Variants in SYNPR observed in about 807,000 individuals in gnomAD.
The protein encoded by SYNPR is synaptoporin.
A neutral mutation model predicts 32.9 loss-of-function variants in SYNPR; 23 were observed. The observed-to-expected ratio is 0.70, with a 90% CI of 0.50 to 0.99. The LOEUF is 0.99. Among genes scored for constraint, SYNPR ranks in the 50% least tolerant of loss-of-function variants. The pLI, the probability that SYNPR is intolerant of heterozygous loss-of-function variation, is 0.00. For missense variants in SYNPR, 318 were observed against 349.3 expected (o/e 0.91, Z 0.71); for synonymous variants, 146 against 135.9 (o/e 1.07, Z -0.52).
intron 1 of SYNPR, among the ~76,000 whole-genome samples, chr3:63,237,969 C>T (rs1033743208): frequency 6.6e-6 from 1 of 152,062 alleles, no homozygotes; most frequent in Non-Finnish European, 1.5e-5. Context: ...TTGCTCCTCC[C>T]CACCTATGCC....
At chr3:63,266,494 G>A (rs1575580661) in intron 2 of SYNPR, among the ~76,000 whole-genome samples, 1 of 152,054 alleles carries the variant, frequency 6.6e-6, no homozygotes, top group East Asian at 1.9e-4. Context: ...CCTGAGGTCA[G>A]GAGTTCGAGA....
rs1229061958 is a variant in SYNPR, at chr3:63,254,169, G to A, written n.154+1583G>A. Among the ~76,000 whole-genome samples the A allele has an allele frequency of 2.0e-5, 3 of 152,232 alleles. No homozygotes were observed. In the East Asian group the frequency reaches 5.8e-4, roughly 29 times the overall value. ...AACATCACACACCGGGGCGTGTTGTGGGGTGGGGGGAGAGGGAAGGGATAG... is the reference window on the plus strand; with the variant it reads ...AACATCACACACCGGGGCGTGTTGTAGGGTGGGGGGAGAGGGAAGGGATAG... On this transcript the variant is annotated intron_variant and non_coding_transcript_variant, in intron 2 of 4. Coordinates refer to the SYNPR transcript ENST00000478456.
intron 1 of SYNPR, among the ~76,000 whole-genome samples, chr3:63,247,438 G>T (rs140601067): frequency 6.6e-6 from 1 of 151,966 alleles, no homozygotes; most frequent in African/African-American, 2.4e-5. Context: ...CTTACTTCTG[G>T]TAAGGATAAG....
intron 2 of SYNPR, among the ~76,000 whole-genome samples, chr3:63,351,161 G>A (rs1210057173): frequency 6.6e-6 from 1 of 152,192 alleles, no homozygotes; most frequent in Non-Finnish European, 1.5e-5. Context: ...AGAATTCTGA[G>A]TGATCCGCCC....
chr3:63,239,083 G>T (rs1002895752), intron 1 of SYNPR, among the ~76,000 whole-genome samples: 9 of 152,064 alleles, frequency 5.9e-5, no homozygotes, highest in African/African-American at 1.9e-4. Flanking sequence ...TAATTAGGTT[G>T]TATGTGCACA....
rs78023178 is a variant in SYNPR, at chr3:63,571,501, G to A, written c.408+14760G>A. On this transcript the variant is annotated intron_variant, in intron 4 of 5. Transcript: ENST00000478300. ...AGGTTACTTGATAAATAGGTAATCC[G>A]AAAACTAGAGATTTACTCTTGAATA... Among the ~76,000 whole-genome samples, 739 of 152,072 alleles carry A rather than the reference G, an allele frequency of 4.9e-3. 30 individuals are homozygous for A. The East Asian group carries it at 0.085, about 17-fold the overall frequency.
At chr3:63,417,480 C>G (rs2088557112) in intron 2 of SYNPR, among the ~76,000 whole-genome samples, 1 of 152,198 alleles carries the variant, frequency 6.6e-6, no homozygotes, top group Admixed American at 6.5e-5. Context: ...AGGCAGTGGC[C>G]CTCTTCTCAC....
intron 2 of SYNPR, among the ~76,000 whole-genome samples, chr3:63,329,146 C>T (rs2087197958): frequency 6.6e-6 from 1 of 152,112 alleles, no homozygotes; most frequent in South Asian, 2.1e-4. Flanking sequence ...CAGCAAACTG[C>T]CTCTCAAGTG....
chr3:63,407,719 T>G (rs975222063), intron 2 of SYNPR, among the ~76,000 whole-genome samples: 1 of 152,110 alleles, frequency 6.6e-6, no homozygotes, highest in Admixed American at 6.6e-5. Context: ...AGGAGTACAA[T>G]TTTATCTTGT....
the SYNPR span, among the ~76,000 whole-genome samples, chr3:63,208,654 G>C: frequency 2.6e-4 from 40 of 152,302 alleles, no homozygotes; most frequent in African/African-American, 9.6e-4. Flanking sequence ...TGTGCTGAAA[G>C]AGAATTCTGT....
intron 2 of SYNPR, among the ~76,000 whole-genome samples, chr3:63,354,161 T>C (rs2087545516): frequency 6.6e-6 from 1 of 152,232 alleles, no homozygotes; most frequent in African/African-American, 2.4e-5. Context: ...AAATGCTGCA[T>C]AACAAGCCAC....
intron 2 of SYNPR, among the ~76,000 whole-genome samples, chr3:63,371,780 C>T (rs1201381920): frequency 6.6e-6 from 1 of 152,238 alleles, no homozygotes; most frequent in Non-Finnish European, 1.5e-5. Context: ...CCCACCTCAA[C>T]ACTTTAGTCG....
intron 2 of SYNPR, among the ~76,000 whole-genome samples, chr3:63,367,765 A>G (rs1302242083): frequency 6.6e-6 from 1 of 152,220 alleles, no homozygotes; most frequent in Non-Finnish European, 1.5e-5. Context: ...CTGGGAACAT[A>G]AAGCTTTTAA....
intron 4 of SYNPR, among the ~76,000 whole-genome samples, chr3:63,605,876 G>A (rs1040400693): frequency 6.6e-6 from 1 of 152,228 alleles, no homozygotes. Flanking sequence ...CCGCTGGAGT[G>A]ATCACAGGTC....
the SYNPR span, chr3:63,203,068 G>GTGTATATATATA: frequency 1.4e-3 from 157 of 108,494 alleles, 2 homozygotes; most frequent in African/African-American, 5.6e-3. Flanking sequence ...ATATGTATGT[G>GTGTATATATATA]TATATATATA....
chr3:63,313,577 T>A (rs569032857), intron 2 of SYNPR, among the ~76,000 whole-genome samples: 1 of 147,700 alleles, frequency 6.8e-6, no homozygotes, highest in Non-Finnish European at 1.5e-5. Context: ...TTCCATTGTG[T>A]GTGTATGTGC....
At chr3:63,573,548 G>A (rs1243135643) in intron 4 of SYNPR, among the ~76,000 whole-genome samples, 1 of 152,178 alleles carries the variant, frequency 6.6e-6, no homozygotes, top group East Asian at 1.9e-4. Flanking sequence ...TGAATGCTGG[G>A]AGCAGCTTTG....
the SYNPR span, among the ~76,000 whole-genome samples, chr3:63,209,345 A>T: frequency 4.6e-5 from 7 of 151,868 alleles, no homozygotes; most frequent in Admixed American, 1.3e-4. Context: ...GTTGGGAAAC[A>T]GTAAACAGTG....
chr3:63,526,343 T>C lies in SYNPR; in HGVS notation c.210-30200T>C, dbSNP rs138064187. Among the ~76,000 whole-genome samples, 479 of 152,344 alleles carry C rather than the reference T, an allele frequency of 3.1e-3. 2 individuals are homozygous for C. The highest frequency in any genetic ancestry group is 0.011 in the African/African-American group (463 of 41,584). On this transcript the variant is annotated intron_variant, in intron 3 of 5. Transcript: ENST00000478300. ...CCTTGCTCTGCACCTCTGTGCATTA[T>C]ATCATTTACATTTATTGTTTAGCTG...
Sources: allele counts gnomAD v4.1 joint callset (sites outside exome capture counted in the v4.1 genomes callset), GRCh38; gene constraint gnomAD v4.1.1; transcripts MANE v1.5; gene names NCBI Gene and HGNC (gene_info 2026-07-23, HGNC 2026-07-21).